The following CFAP70 variants were observed in gnomAD, a reference collection of about 807,000 sequenced individuals.
CFAP70 encodes cilia- and flagella-associated protein 70.
Under a neutral mutation model 137.6 loss-of-function variants are expected in CFAP70, and 81 were observed. That is an observed-to-expected ratio of 0.59 (90% CI 0.49 to 0.71). The LOEUF (loss-of-function observed/expected upper bound fraction) is 0.71. CFAP70 is among the 30% of genes least tolerant of loss of function. CFAP70 has a pLI of 0.00. For synonymous variants in CFAP70, 382 were observed against 423.6 expected (o/e 0.90, Z 1.20); for missense variants, 976 against 1,226.7 (o/e 0.80, Z 3.05).
intron 6 of CFAP70, among the ~76,000 whole-genome samples, chr10:73,339,507 C>T (rs2053043456): frequency 6.6e-6 from 1 of 152,180 alleles, no homozygotes; most frequent in South Asian, 2.1e-4. Context: ...GCCTGCTAGG[C>T]TCATTTCACC....
chr10:73,272,587 CAATTTCTTT>C (rs1275038461), intron 24 of CFAP70, among the ~76,000 whole-genome samples: 2 of 152,158 alleles, frequency 1.3e-5, no homozygotes, highest in Non-Finnish European at 2.9e-5. Flanking sequence ...AAGTGTCAAT[CAATTTCTTT>C]AATTGACTTG....
At position 73,348,470 on chromosome 10, in the gene CFAP70, GTCTTCTC is replaced by G; in HGVS notation, c.295_301del (p.Glu99ProfsTer2). 1 of 1,539,690 alleles carries G rather than the reference GTCTTCTC, an allele frequency of 6.5e-7. No individual in the cohort carries two copies. Among genetic ancestry groups the G allele is most frequent in the South Asian group, 1.3e-5 (1 of 77,690 alleles). ...CACCACAGCCTGACCAAGAATTAAGGTCTTCTCTTCTTTCTGTTTCTTTTCCTTTGGT... is the reference window on the plus strand; with the variant it reads ...CACCACAGCCTGACCAAGAATTAAGGTTCTTTCTGTTTCTTTTCCTTTGGT... On this transcript the variant is annotated frameshift_variant, in exon 4 of 27. Coordinates refer to ENST00000310715, the Ensembl canonical transcript of CFAP70. LOFTEE classifies it high-confidence loss of function.
At chr10:73,309,223 C>A (rs1054988412) in intron 12 of CFAP70, among the ~76,000 whole-genome samples, 1 of 152,176 alleles carries the variant, frequency 6.6e-6, no homozygotes, top group Non-Finnish European at 1.5e-5. Flanking sequence ...TATTAGAATA[C>A]TATGAACAAT....
chr10:73,313,030 C>T (rs546045642), intron 9 of CFAP70, among the ~76,000 whole-genome samples: 1 of 152,144 alleles, frequency 6.6e-6, no homozygotes, highest in Admixed American at 6.5e-5. Flanking sequence ...TCAAGACCAG[C>T]CTGGGTAAAA....
intron 3 of CFAP70, among the ~76,000 whole-genome samples, 192 bp downstream of exon 3, chr10:73,353,364 C>T (rs763864514): frequency 2.0e-5 from 3 of 152,204 alleles, no homozygotes; most frequent in Admixed American, 6.5e-5. Flanking sequence ...CTAACACATA[C>T]ACACCAATGG....
At chr10:73,345,025 A>G (rs1002526516) in intron 5 of CFAP70, 40 bp downstream of exon 6, 2 of 1,574,516 alleles carry the variant, frequency 1.3e-6, no homozygotes, top group Non-Finnish European at 1.7e-6. Context: ...GAGTACAGAC[A>G]TGTTTGAATC....
At chr10:73,287,665 C>T (rs1344555129) in intron 19 of CFAP70, among the ~76,000 whole-genome samples, 1 of 152,058 alleles carries the variant, frequency 6.6e-6, no homozygotes, top group Non-Finnish European at 1.5e-5. Flanking sequence ...AAGAGGAAGG[C>T]ACAGAATCCA....
chr10:73,362,039 A>G (rs2055029282), upstream of CFAP70, among the ~76,000 whole-genome samples: 1 of 152,266 alleles, frequency 6.6e-6, no homozygotes, highest in Non-Finnish European at 1.5e-5. Context: ...ACATAAAGAT[A>G]GCCATATAGA....
At chr10:73,329,399 G>A (rs1483627664) in intron 8 of CFAP70, among the ~76,000 whole-genome samples, 5 of 152,110 alleles carry the variant, frequency 3.3e-5, no homozygotes, top group African/African-American at 1.2e-4. Context: ...TAAATGACGA[G>A]TTAATGGGTG....
intron 19 of CFAP70, among the ~76,000 whole-genome samples, chr10:73,287,888 T>TATCTA (rs1554888005): frequency 1.3e-5 from 2 of 151,848 alleles, no homozygotes; most frequent in African/African-American, 4.8e-5. Context: ...TCTATCTATC[T>TATCTA]ATCTATCTAT....
At chr10:73,323,817 A>G (rs890449358) in intron 8 of CFAP70, among the ~76,000 whole-genome samples, 2 of 152,244 alleles carry the variant, frequency 1.3e-5, no homozygotes, top group Non-Finnish European at 2.9e-5. Context: ...TAAACAAAGC[A>G]GCCAGGAAGC....
intron 11 of CFAP70, among the ~76,000 whole-genome samples, chr10:73,311,445 AC>A (rs1452177747): frequency 6.6e-6 from 1 of 152,154 alleles, no homozygotes. Context: ...TTTTATTTGT[AC>A]CTCTATTACA....
At chr10:73,345,318 A>G in intron 4 of CFAP70, 74 bp from the exon 6 acceptor site, 2 of 1,296,364 alleles carry the variant, frequency 1.5e-6, no homozygotes, top group Non-Finnish European at 2.2e-6. Context: ...TCTCATTTGA[A>G]TCTCATATTA....
rs1437176150 is a variant in CFAP70, at chr10:73,348,540, A to T, written c.251-19T>A. The T allele has an allele frequency of 8.9e-6, 13 of 1,455,904 alleles. No individual in the cohort carries two copies. Among genetic ancestry groups the T allele is most frequent in the Non-Finnish European group, 1.1e-5 (12 of 1,080,734 alleles). 90.2% of individuals were successfully genotyped at this position (1,455,904 alleles called of 1,614,324 possible). A position where few individuals can be genotyped will look rare whatever the true frequency, so the allele number is the denominator to read the frequency against. On this transcript the variant is annotated intron_variant, in intron 3 of 26. Transcript: ENST00000310715. ...ACAGTTACTAGAAAAATCAAAACAAAGAAAATGAGACATTTAAAACACATC... is the reference window on the plus strand; with the variant it reads ...ACAGTTACTAGAAAAATCAAAACAATGAAAATGAGACATTTAAAACACATC...
chr10:73,340,070 C>T (rs1025800569), intron 6 of CFAP70, among the ~76,000 whole-genome samples: 2 of 152,242 alleles, frequency 1.3e-5, no homozygotes, highest in African/African-American at 4.8e-5. Flanking sequence ...AACAGAACAA[C>T]TCAGAGGAGA....
exon 16 of CFAP70, chr10:73,293,385 T>C: frequency 6.3e-7 from 1 of 1,592,260 alleles, no homozygotes; most frequent in Non-Finnish European, 8.5e-7. Context: ...TCATCTGGCA[T>C]GGTCTTGTCA....
chr10:73,345,106 G>A lies in CFAP70; in HGVS notation c.358C>T (p.Gln120Ter), dbSNP rs979872716. 1.2e-6 allele frequency: 2 copies of A among 1,613,986 alleles called. No individual in the cohort carries two copies. Among genetic ancestry groups the A allele is most frequent in the African/African-American group, 1.3e-5 (1 of 74,884 alleles). Reference sequence around the variant, plus strand: ...ACTTGCAGACCGACCATGTAGTTCTGCCCAGGACCTGTTGGAATGAAGGAT... The same window carrying A: ...ACTTGCAGACCGACCATGTAGTTCTACCCAGGACCTGTTGGAATGAAGGAT... Residue 120 changes from glutamine (Q) to a stop codon, truncating the protein, a stop_gained, in exon 5 of 27, where the codon CAG becomes TAG. Coordinates refer to ENST00000310715, the Ensembl canonical transcript of CFAP70. LOFTEE classifies it high-confidence loss of function.
chr10:73,354,394 T>G (rs547138391), intron 2 of CFAP70, among the ~76,000 whole-genome samples: 49 of 152,324 alleles, frequency 3.2e-4, no homozygotes, highest in African/African-American at 1.2e-3. Context: ...TTGTTGTTGT[T>G]TTTTTAATTA....
At chr10:73,340,589 T>C (rs569417151) in intron 6 of CFAP70, among the ~76,000 whole-genome samples, 2 of 152,312 alleles carry the variant, frequency 1.3e-5, no homozygotes, top group East Asian at 3.9e-4. Context: ...GTGCCCTGGC[T>C]GTTCATGCTG....
Sources: gnomAD v4.1 joint callset for allele counts (sites outside exome capture counted in the v4.1 genomes callset) on GRCh38, gnomAD v4.1.1 for gene constraint, MANE v1.5 for transcripts, NCBI Gene and HGNC (gene_info 2026-07-23, HGNC 2026-07-21) for gene names.